The following CFHR5 variants were observed in gnomAD, a reference collection of about 807,000 sequenced individuals.
The protein encoded by CFHR5 is complement factor H related 5.
In CFHR5, 73 loss-of-function variants were observed where a neutral mutation model predicts 62.9. The observed-to-expected ratio is 1.16, with a 90% CI of 0.96 to 1.41. CFHR5 has a LOEUF of 1.41. Among genes scored for constraint, CFHR5 ranks in the 40% most tolerant of loss-of-function variants. The pLI, the probability that CFHR5 is intolerant of heterozygous loss-of-function variation, is 0.00. For synonymous variants in CFHR5, 249 were observed against 227.2 expected (o/e 1.10, Z -0.86); for missense variants, 779 against 679.9 (o/e 1.15, Z -1.62).
rs536828292 is a variant in CFHR5, at chr1:196,984,034, T to C, written c.327T>C (p.Thr109=). ...SSGLIHLEGD[T]VQIICNTGYS... ...GACTAATACATCTGGAAGGTGATAC[T>C]GTACAAATTATTTGCAACACAGGAT... Residue 109 remains threonine, a synonymous_variant, in exon 3 of 10, where the codon ACT becomes ACC. Transcript: ENST00000256785. The C allele has an allele frequency of 1.2e-6, 2 of 1,612,944 alleles. No homozygotes were observed. The highest frequency in any genetic ancestry group is 2.2e-5 in the South Asian group (2 of 91,050).
chr1:196,994,426 C>T (rs574784935), intron 4 of CFHR5, among the ~76,000 whole-genome samples, 170 bp downstream of exon 4: 14 of 152,056 alleles, frequency 9.2e-5, no homozygotes, highest in African/African-American at 2.2e-4. Context: ...TTTAGGTGTC[C>T]GTAATCAAGG....
intron 3 of CFHR5, among the ~76,000 whole-genome samples, chr1:196,991,757 G>A (rs1024196882): frequency 9.9e-5 from 15 of 152,144 alleles, no homozygotes; most frequent in African/African-American, 3.6e-4. Flanking sequence ...TCCTCTGGAA[G>A]CTTCATCCCA....
At chr1:196,987,290 AT>A (rs1653716919) in intron 3 of CFHR5, among the ~76,000 whole-genome samples, 2 of 151,976 alleles carry the variant, frequency 1.3e-5, no homozygotes, top group Admixed American at 1.3e-4. Context: ...GATTGCAAAG[AT>A]TTTCTCCCAT....
At chr1:196,977,153 A>G (rs1366402336), upstream of CFHR5, among the ~76,000 whole-genome samples, 2 of 152,086 alleles carry the variant, frequency 1.3e-5, no homozygotes, top group Non-Finnish European at 2.9e-5. Flanking sequence ...ATGAAATATT[A>G]AAACTGTTAA....
chr1:197,004,565 C>G (rs1015937035), intron 8 of CFHR5, 96 bp from the exon 9 acceptor site: 3 of 983,174 alleles, frequency 3.1e-6, no homozygotes, highest in Non-Finnish European at 4.8e-6. Flanking sequence ...TTTGAATTTC[C>G]AGACACCTTA....
At position 197,005,904 on chromosome 1, in the gene CFHR5, A is replaced by G. The variant is rs1571530171; in HGVS notation, c.1513+1061A>G. On this transcript the variant is annotated intron_variant, in intron 9 of 9. Transcript: ENST00000256785. ...TCTGTGTGAGCCCCTCTCCCAGGAT[A>G]TCATTAAAATTGTGTGGGAACTGAA... Among the ~76,000 whole-genome samples, 5 of 152,292 alleles carry G rather than the reference A, an allele frequency of 3.3e-5. No individual in the cohort carries two copies. In the South Asian group the frequency reaches 1.0e-3, roughly 32 times the overall value.
intron 3 of CFHR5, among the ~76,000 whole-genome samples, chr1:196,985,095 C>A (rs1750311): frequency 0.42 from 63,519 of 151,882 alleles, 15,509 homozygotes; most frequent in African/African-American, 0.69. Context: ...CAGTGGGATG[C>A]TATGTTGATA....
chr1:196,997,703 T>G (rs968635780), intron 6 of CFHR5, among the ~76,000 whole-genome samples: 2 of 152,166 alleles, frequency 1.3e-5, no homozygotes, highest in East Asian at 3.8e-4. Context: ...GATCTATCTC[T>G]TACTGATGCT....
chr1:196,984,261 C>T (rs892513869), intron 3 of CFHR5, 124 bp downstream of exon 3: 19 of 889,330 alleles, frequency 2.1e-5, no homozygotes, highest in Middle Eastern at 3.0e-4. Context: ...ATTTGATTTT[C>T]GGTTCCAATT....
chr1:197,006,617 C>T (rs1344967230), intron 9 of CFHR5, among the ~76,000 whole-genome samples: 1 of 149,700 alleles, frequency 6.7e-6, no homozygotes, highest in Non-Finnish European at 1.5e-5. Context: ...GAGGCTGAGG[C>T]AGGAGAATCA....
intron 3 of CFHR5, among the ~76,000 whole-genome samples, chr1:196,987,911 T>C (rs1322722470): frequency 3.3e-5 from 5 of 152,244 alleles, no homozygotes; most frequent in Admixed American, 2.0e-4. Context: ...TGAAGAAAGT[T>C]AGTGGTAACT....
At chr1:196,998,836 A>T (rs376106359) in intron 7 of CFHR5, among the ~76,000 whole-genome samples, 17 of 152,186 alleles carry the variant, frequency 1.1e-4, no homozygotes, top group Non-Finnish European at 2.5e-4. Context: ...GGGGCACCAT[A>T]TTAGATTAAA....
intron 1 of CFHR5, among the ~76,000 whole-genome samples, chr1:196,982,245 G>T (rs1469715451): frequency 6.6e-6 from 1 of 152,114 alleles, no homozygotes; most frequent in Non-Finnish European, 1.5e-5. Context: ...ACACTACATA[G>T]ACCAGGGAGA....
At position 196,994,094 on chromosome 1, in the gene CFHR5, G is replaced by A; in HGVS notation, c.445G>A (p.Val149Ile). The change falls in exon 4 of 10, where the codon GTT becomes ATT. Residue 149 changes from valine (V) to isoleucine (I), a missense_variant. Coordinates refer to ENST00000256785, the MANE Select transcript of CFHR5 (RefSeq NM_030787.4). ...TTTATTTTTAGAAGGAGAATGTCAT[G>A]TTCCAATTTTAGAAGCCAATGTAGA... Reference protein sequence around the residue: ...ICSFTKGECHVPILEANVDAQ... With the variant: ...ICSFTKGECHIPILEANVDAQ... The A allele has an allele frequency of 6.2e-7, 1 of 1,612,558 alleles. No individual in the cohort carries two copies. Among genetic ancestry groups the A allele is most frequent in the Non-Finnish European group, 8.5e-7 (1 of 1,179,008 alleles).
In CFHR5 at chr1:196,994,069, T is replaced by C; in HGVS notation, c.431-11T>C. 1 of 1,604,766 alleles carries C rather than the reference T, an allele frequency of 6.2e-7. No homozygotes were observed. Among genetic ancestry groups the C allele is most frequent in the Non-Finnish European group, 8.5e-7 (1 of 1,172,288 alleles). On this transcript the variant is annotated splice_polypyrimidine_tract_variant and intron_variant, in intron 3 of 9. Transcript: ENST00000256785. The stretch of plus-strand genomic sequence containing the variant: ...GAAAATTCACATATGTTCATTTAAT[T>C]TTATTTTTAGAAGGAGAATGTCATG...
rs551454946 is a variant in CFHR5 at position 196,977,587 on chromosome 1, CTG to C, written c.-76_-75del. 967 of 1,126,836 alleles carry C rather than the reference CTG, an allele frequency of 8.6e-4. 3 individuals carry two copies. In the African/African-American group the frequency reaches 0.013, roughly 15 times the overall value. 69.8% of individuals were successfully genotyped at this position (1,126,836 alleles called of 1,614,324 possible). A position where few individuals can be genotyped will look rare whatever the true frequency, so the allele number is the denominator to read the frequency against. ...TTGAAATTCAAAGTCATGCTTGTAA[CTG>C]TTAATGAAAGCAGATTTAAAGCAAC... On this transcript the variant is annotated 5_prime_UTR_variant, in exon 1 of 10. An upstream open reading frame in the 5' UTR gains an earlier in-frame stop. Coordinates refer to ENST00000256785, the MANE Select transcript of CFHR5 (RefSeq NM_030787.4).
intron 1 of CFHR5, among the ~76,000 whole-genome samples, chr1:196,981,923 A>G (rs543084503): frequency 7.3e-5 from 11 of 151,102 alleles, no homozygotes; most frequent in Admixed American, 7.3e-4. Context: ...GATATTTTGG[A>G]CTTGCAGTAT....
chr1:197,001,510 AG>A (rs1369267781), intron 7 of CFHR5, among the ~76,000 whole-genome samples: 1 of 152,148 alleles, frequency 6.6e-6, no homozygotes, highest in Non-Finnish European at 1.5e-5. Context: ...GAAAAAAAAT[AG>A]CACTTTCAAT....
chr1:196,987,892 C>A (rs889514528), intron 3 of CFHR5, among the ~76,000 whole-genome samples: 3 of 152,112 alleles, frequency 2.0e-5, no homozygotes, highest in Admixed American at 6.5e-5. Flanking sequence ...GTAGTTTTGT[C>A]CTATTCTGTG....
Sources: allele counts gnomAD v4.1 joint callset (sites outside exome capture counted in the v4.1 genomes callset), GRCh38; gene constraint gnomAD v4.1.1; transcripts MANE v1.5; gene names NCBI Gene and HGNC (gene_info 2026-07-23, HGNC 2026-07-21).